The following CNTN4 variants were observed in gnomAD, a reference collection of about 807,000 sequenced individuals.
CNTN4 encodes the protein contactin 4, also known as contactin-4.
Under a neutral mutation model 122.5 loss-of-function variants are expected in CNTN4, and 77 were observed. The ratio of observed to expected loss-of-function variants is 0.63; its 90% CI spans 0.52 to 0.76. The LOEUF is 0.76. CNTN4 is among the 30% of genes least tolerant of loss of function. CNTN4 has a pLI of 0.00. For synonymous variants in CNTN4, 512 were observed against 447.0 expected (o/e 1.15, Z -1.83); for missense variants, 1,256 against 1,259.1 (o/e 1.00, Z 0.04).
intron 2 of CNTN4, among the ~76,000 whole-genome samples, chr3:2,228,562 A>G (rs1186989046): frequency 2.0e-5 from 3 of 152,118 alleles, no homozygotes; most frequent in Non-Finnish European, 4.4e-5. Flanking sequence ...CAGTAATGAT[A>G]AGACTGTGAT....
chr3:2,272,981 G>C (rs1186674034), intron 2 of CNTN4, among the ~76,000 whole-genome samples: 1 of 151,996 alleles, frequency 6.6e-6, no homozygotes, highest in East Asian at 1.9e-4. Flanking sequence ...TGCGTCTTGA[G>C]GTAGGCATGG....
At chr3:2,219,179 C>G (rs1212237375) in intron 2 of CNTN4, among the ~76,000 whole-genome samples, 4 of 152,288 alleles carry the variant, frequency 2.6e-5, no homozygotes, top group Non-Finnish European at 2.9e-5. Flanking sequence ...TACAGTAACT[C>G]TGGAGGTAGA....
At position 2,127,853 on chromosome 3, in the gene CNTN4, C is replaced by G. The variant is rs550164786; in HGVS notation, c.-145+27214C>G. ...CCAAATTAAAAGATTGCAAGCTCCA[C>G]TGGTGTAGTCAAAAGCAAGCTCAAA... On this transcript the variant is annotated intron_variant, in intron 2 of 24. Transcript: ENST00000418658. Among the ~76,000 whole-genome samples the G allele has an allele frequency of 1.4e-4, 22 of 152,310 alleles. No homozygotes were observed. In the South Asian group the frequency reaches 4.6e-3, roughly 32 times the overall value.
At chr3:2,468,677 T>C (rs72622135) in intron 3 of CNTN4, among the ~76,000 whole-genome samples, 7,756 of 152,198 alleles carry the variant, frequency 0.051, 248 homozygotes, top group East Asian at 0.15. Context: ...CAGAGGTTCA[T>C]TCATGTCAGC....
chr3:2,871,332 A>G (rs2093781620), intron 8 of CNTN4, among the ~76,000 whole-genome samples: 1 of 152,226 alleles, frequency 6.6e-6, no homozygotes, highest in Admixed American at 6.5e-5. Flanking sequence ...TCAACAAATT[A>G]TATTTTTAAA....
At chr3:2,605,417 A>G (rs1247944923) in intron 4 of CNTN4, among the ~76,000 whole-genome samples, 3 of 152,022 alleles carry the variant, frequency 2.0e-5, no homozygotes, top group African/African-American at 7.3e-5. Flanking sequence ...CCCTGTAGCA[A>G]GGTAAAGACT....
intron 4 of CNTN4, among the ~76,000 whole-genome samples, chr3:2,605,039 C>T (rs916639958): frequency 1.3e-5 from 2 of 152,136 alleles, no homozygotes; most frequent in Admixed American, 6.6e-5. Context: ...CAGAATCTTA[C>T]TCTGTCACCC....
intron 2 of CNTN4, among the ~76,000 whole-genome samples, chr3:2,291,795 A>C (rs1362682814): frequency 2.0e-5 from 3 of 152,032 alleles, no homozygotes; most frequent in African/African-American, 7.2e-5. Context: ...GGGCGATGGC[A>C]GGATCTTGGC....
At chr3:2,214,335 C>G (rs1225171124) in intron 2 of CNTN4, among the ~76,000 whole-genome samples, 1 of 152,218 alleles carries the variant, frequency 6.6e-6, no homozygotes, top group South Asian at 2.1e-4. Flanking sequence ...ATTTAGACAC[C>G]TGATGAGTAG....
chr3:2,844,665 A>G (rs1366243005), intron 7 of CNTN4, among the ~76,000 whole-genome samples: 2 of 152,236 alleles, frequency 1.3e-5, no homozygotes, highest in Non-Finnish European at 2.9e-5. Flanking sequence ...AATGGAATCA[A>G]CTACAATTAG....
At chr3:2,310,948 A>G (rs1037873421) in intron 2 of CNTN4, among the ~76,000 whole-genome samples, 1 of 152,090 alleles carries the variant, frequency 6.6e-6, no homozygotes, top group African/African-American at 2.4e-5. Context: ...AAAATTTCAC[A>G]TTTGATTTAT....
At position 2,231,094 on chromosome 3, in the gene CNTN4, T is replaced by C. The variant is rs529921533; in HGVS notation, c.-144-108084T>C. On this transcript the variant is annotated intron_variant, in intron 2 of 24. Transcript: ENST00000418658. ...AAAATGAAACAGGTGAAATTTACTT[T>C]AATAAATCATTTTAGTTAACACAAT... 2.0e-5 allele frequency among the ~76,000 whole-genome samples: 3 copies of C among 152,248 alleles called. No individual in the cohort carries two copies. The South Asian group carries it at 6.2e-4, about 32-fold the overall frequency.
At chr3:2,631,382 TGTA>T (rs1174981692) in intron 4 of CNTN4, among the ~76,000 whole-genome samples, 1 of 152,190 alleles carries the variant, frequency 6.6e-6, no homozygotes, top group Non-Finnish European at 1.5e-5. Context: ...GATGTTCATA[TGTA>T]GTAGAAGAAG....
intron 13 of CNTN4, among the ~76,000 whole-genome samples, chr3:2,957,150 C>A (rs781586349): frequency 2.0e-5 from 3 of 152,096 alleles, no homozygotes; most frequent in African/African-American, 7.2e-5. Context: ...TGGATATATA[C>A]GCAGAAGTGG....
In CNTN4 at chr3:2,492,260, C is replaced by T. The variant is rs79267751; in HGVS notation, c.-88-79156C>T. ...GATATTTTGTACTCTTTTATTATAGCGCCTGTTTTATAGCATTTGTGAGCC... is the reference window on the plus strand; with the variant it reads ...GATATTTTGTACTCTTTTATTATAGTGCCTGTTTTATAGCATTTGTGAGCC... On this transcript the variant is annotated intron_variant, in intron 3 of 24. Coordinates refer to ENST00000418658, the MANE Select transcript of CNTN4 (RefSeq NM_175607.3). Among the ~76,000 whole-genome samples, 1,066 of 152,184 alleles carry T rather than the reference C, an allele frequency of 7.0e-3. 24 individuals carry two copies. Among genetic ancestry groups the T allele is most frequent in the African/African-American group, 0.024 (1,003 of 41,508 alleles).
intron 6 of CNTN4, among the ~76,000 whole-genome samples, chr3:2,747,644 G>T (rs996931415): frequency 1.8e-4 from 28 of 151,952 alleles, no homozygotes; most frequent in African/African-American, 6.5e-4. Flanking sequence ...CAAACAAAAA[G>T]CTCTACCACT....
chr3:2,718,382 A>G (rs1009837266), intron 4 of CNTN4, among the ~76,000 whole-genome samples: 1 of 152,212 alleles, frequency 6.6e-6, no homozygotes, highest in Non-Finnish European at 1.5e-5. Flanking sequence ...TGCCCAGAGT[A>G]GAAGCATATT....
intron 6 of CNTN4, among the ~76,000 whole-genome samples, chr3:2,802,401 T>C (rs2092369517): frequency 6.6e-6 from 1 of 152,254 alleles, no homozygotes; most frequent in Non-Finnish European, 1.5e-5. Context: ...CACGTTGTTT[T>C]GCCTTCTTTG....
At chr3:2,887,003 T>G (rs2093986649) in intron 9 of CNTN4, 37 bp from the exon 10 acceptor site, 1 of 1,586,590 alleles carries the variant, frequency 6.3e-7, no homozygotes, top group African/African-American at 1.3e-5. Context: ...TCCAGTTTTC[T>G]CTAGTTTGAT....
Sources: gnomAD v4.1 joint callset for allele counts (sites outside exome capture counted in the v4.1 genomes callset) on GRCh38, gnomAD v4.1.1 for gene constraint, MANE v1.5 for transcripts, NCBI Gene and HGNC (gene_info 2026-07-23, HGNC 2026-07-21) for gene names.